The following LRP1B variants were observed in gnomAD, a reference collection of about 807,000 sequenced individuals.
LRP1B encodes the protein low-density lipoprotein receptor-related protein 1B.
A neutral mutation model predicts 556.6 loss-of-function variants in LRP1B; 217 were observed. The ratio of observed to expected loss-of-function variants is 0.39; its 90% CI spans 0.35 to 0.44. The LOEUF is 0.44. Among genes scored for constraint, LRP1B ranks in the 20% least tolerant of loss-of-function variants. The pLI, the probability that LRP1B is intolerant of heterozygous loss-of-function variation, is 1.00. For synonymous variants in LRP1B, 2,047 were observed against 1,865.8 expected (o/e 1.10, Z -2.50); for missense variants, 5,053 against 5,620.8 (o/e 0.90, Z 3.23).
At chr2:141,316,606 CA>C (rs557621627) in intron 3 of LRP1B, among the ~76,000 whole-genome samples, 38 of 152,230 alleles carry the variant, frequency 2.5e-4, no homozygotes, top group African/African-American at 8.7e-4. Context: ...ACTAGTCACT[CA>C]GTTGAGGAAA....
intron 41 of LRP1B, among the ~76,000 whole-genome samples, chr2:140,675,511 G>C (rs1027436353): frequency 1.3e-5 from 2 of 152,050 alleles, no homozygotes; most frequent in South Asian, 2.1e-4. Context: ...ATTTCATACT[G>C]TTCTTAATGT....
At chr2:141,762,981 C>T (rs141797456) in intron 2 of LRP1B, among the ~76,000 whole-genome samples, 15 of 152,284 alleles carry the variant, frequency 9.9e-5, no homozygotes, top group African/African-American at 2.9e-4. Context: ...GAACCAGCTA[C>T]GTGTACTGAC....
intron 43 of LRP1B, among the ~76,000 whole-genome samples, chr2:140,545,196 G>A (rs779206149): frequency 3.2e-4 from 47 of 148,458 alleles, no homozygotes; most frequent in Admixed American, 1.5e-3. Context: ...GTCCTTTGTC[G>A]GACTCATAGT....
chr2:141,156,388 A>T (rs1438516313), intron 7 of LRP1B, among the ~76,000 whole-genome samples: 1 of 152,112 alleles, frequency 6.6e-6, no homozygotes, highest in East Asian at 1.9e-4. Flanking sequence ...CAACACAGGG[A>T]GGCTGAGACA....
intron 1 of LRP1B, among the ~76,000 whole-genome samples, chr2:142,018,229 T>C (rs1435008102): frequency 6.6e-6 from 1 of 152,182 alleles, no homozygotes; most frequent in Non-Finnish European, 1.5e-5. Flanking sequence ...ATCATTCTTC[T>C]TAAGTTGCAG....
At position 140,757,577 on chromosome 2, in the gene LRP1B, C is replaced by T. The variant is rs553263593; in HGVS notation, c.5758+11636G>A. 2.2e-4 allele frequency among the ~76,000 whole-genome samples: 33 copies of T among 152,278 alleles called. No individual in the cohort carries two copies. The Middle Eastern group carries it at 0.017, about 79-fold the overall frequency. On this transcript the variant is annotated intron_variant, in intron 35 of 90. Transcript: ENST00000389484. ...ATTTATACAAAATGTCCACAGTAGG[C>T]TAGTCTGTAGAGACAGAAAGCAGGC...
At chr2:141,745,989 G>T (rs536346110) in intron 2 of LRP1B, among the ~76,000 whole-genome samples, 1 of 152,108 alleles carries the variant, frequency 6.6e-6, no homozygotes, top group South Asian at 2.1e-4. Context: ...TGGGAGCTAG[G>T]AATCCCCACT....
At chr2:141,527,697 T>C (rs1284804340) in intron 2 of LRP1B, among the ~76,000 whole-genome samples, 2 of 152,120 alleles carry the variant, frequency 1.3e-5, no homozygotes, top group South Asian at 2.1e-4. Context: ...AAATATGCTA[T>C]GCTATACACT....
intron 41 of LRP1B, among the ~76,000 whole-genome samples, chr2:140,669,224 T>C (rs1185310893): frequency 6.6e-6 from 1 of 152,176 alleles, no homozygotes; most frequent in Non-Finnish European, 1.5e-5. Context: ...ATCTGGCTCT[T>C]ATAGGGATAT....
chr2:141,185,086 TGAA>T (rs1305260717), intron 7 of LRP1B, among the ~76,000 whole-genome samples: 1 of 152,072 alleles, frequency 6.6e-6, no homozygotes, highest in African/African-American at 2.4e-5. Context: ...TGAGGCGAAA[TGAA>T]GAAGAAACTT....
At position 141,929,912 on chromosome 2, in the gene LRP1B, CAAAAAAAAAAAAAAAA is replaced by C. The variant is rs70994467; in HGVS notation, c.83-119527_83-119512del. Among the ~76,000 whole-genome samples the C allele has an allele frequency of 1.2e-4, 13 of 104,134 alleles. No homozygotes were observed. The East Asian group carries it at 2.8e-3, about 23-fold the overall frequency. The allele number at this position is 104,134 out of a possible 152,430, so 68.3% of individuals were successfully genotyped here. On this transcript the variant is annotated intron_variant, in intron 1 of 90. Transcript: ENST00000389484. ...AGCCAGGAGAAACCGCGGATGGAAA[CAAAAAAAAAAAAAAAA>C]AAAAAAAAAAGACAGTTAATGCAGC...
Position 140,716,684 on chromosome 2 carries a change from G to A in LRP1B, c.5891C>T (p.Ala1964Val), listed in dbSNP as rs2105463902. 6.2e-7 allele frequency: 1 copy of A among 1,606,846 alleles called. No homozygotes were observed. ...RVEGIAVDWIAGNIYWTDHGF... is the reference protein window; with the variant it reads ...RVEGIAVDWIVGNIYWTDHGF... ...AGATAAAAAGCCATGGATTATACCA[G>A]CAATCCAGTCAACAGCTATCCCTTC... The change falls in exon 36 of 91, where the codon GCT (alanine) becomes GTT (valine). Residue 1964 changes from alanine to valine, a missense_variant and splice_region_variant. By Grantham distance (64) the Ala-to-Val change is moderately conservative. This residue lies in a region of LRP1B where 3,619 missense variants were observed against 3,931.9 expected (regional missense o/e 0.92). Transcript: ENST00000389484.
intron 2 of LRP1B, among the ~76,000 whole-genome samples, chr2:141,598,136 C>G (rs1687590882): frequency 6.6e-6 from 1 of 151,692 alleles, no homozygotes; most frequent in Non-Finnish European, 1.5e-5. Context: ...ATCACTAATC[C>G]TAGAACCTAA....
At chr2:141,040,854 T>G (rs1287339942) in intron 11 of LRP1B, among the ~76,000 whole-genome samples, 3 of 152,088 alleles carry the variant, frequency 2.0e-5, no homozygotes, top group Non-Finnish European at 4.4e-5. Flanking sequence ...TATAGCACTG[T>G]CCTTTCATAG....
intron 43 of LRP1B, among the ~76,000 whole-genome samples, chr2:140,562,949 T>G (rs1166935849): frequency 2.0e-5 from 3 of 151,952 alleles, no homozygotes; most frequent in Non-Finnish European, 4.4e-5. Flanking sequence ...TAAAGTAAAA[T>G]TAAATAAAAA....
At chr2:141,110,553 A>C (rs1700724415) in intron 7 of LRP1B, among the ~76,000 whole-genome samples, 2 of 152,060 alleles carry the variant, frequency 1.3e-5, no homozygotes, top group South Asian at 4.1e-4. Context: ...GTGGAGAAAA[A>C]CCTTTATGGG....
chr2:141,925,933 C>G (rs949904816), intron 1 of LRP1B, among the ~76,000 whole-genome samples: 2 of 152,108 alleles, frequency 1.3e-5, no homozygotes, highest in African/African-American at 4.8e-5. Context: ...TAGCTTCCAT[C>G]TGATGGGACA....
intron 7 of LRP1B, among the ~76,000 whole-genome samples, chr2:141,159,598 T>A (rs10496869): frequency 0.24 from 36,675 of 151,922 alleles, 5,376 homozygotes; most frequent in East Asian, 0.62. Context: ...AGGTAATTAA[T>A]CGAAAGACAA....
At chr2:141,901,522 T>C (rs1699617721) in intron 1 of LRP1B, among the ~76,000 whole-genome samples, 2 of 152,024 alleles carry the variant, frequency 1.3e-5, no homozygotes, top group South Asian at 4.1e-4. Context: ...TTGCTGCTTA[T>C]ATTTATTCTT....
Sources: allele counts gnomAD v4.1 joint callset (sites outside exome capture counted in the v4.1 genomes callset), GRCh38; gene constraint gnomAD v4.1.1; regional missense constraint gnomAD v4.1.1; transcripts MANE v1.5; gene names NCBI Gene and HGNC (gene_info 2026-07-23, HGNC 2026-07-21).